ASB13: variants seen among roughly 807,000 people sequenced by gnomAD.
ASB13 encodes the protein ankyrin repeat and SOCS box protein 13.
Under a neutral mutation model 28.8 loss-of-function variants are expected in ASB13, and 33 were observed. The observed-to-expected ratio is 1.15, with a 90% CI of 0.87 to 1.53. The LOEUF (loss-of-function observed/expected upper bound fraction) is 1.53, where lower values mean the gene tolerates loss of function less well. Ranked by LOEUF, ASB13 falls within the 40% of genes most tolerant of loss-of-function variation. ASB13 has a pLI of 0.00. For synonymous variants in ASB13, 182 were observed against 172.9 expected, an observed-to-expected ratio of 1.05 and a Z score of -0.41; for missense variants, 414 against 390.1, an observed-to-expected ratio of 1.06 and a Z score of -0.52.
chr10:5,642,576 A>AC lies in ASB13; in HGVS notation c.518-616_518-615insG. On this transcript the variant is annotated intron_variant, in intron 4 of 5. Coordinates refer to ENST00000357700, the MANE Select transcript of ASB13 (RefSeq NM_024701.4). This position sits in a 1 kb window ranked among gnomAD's most constrained non-coding sequence, Gnocchi z 4.1. Reference sequence around the variant, plus strand: ...AAGCTGATTAAAAGTAAAGGTAAAAAAAAATTTTTTTTTAAAAAAAAGAGC... The same window carrying AC: ...AAGCTGATTAAAAGTAAAGGTAAAAACAAAATTTTTTTTTAAAAAAAAGAGC... 2.4e-6 allele frequency: 3 copies of AC among 1,228,146 alleles called. No homozygotes were observed. The highest frequency in any genetic ancestry group is 2.8e-5 in the South Asian group (2 of 72,222). The allele number at this position is 1,228,146 out of a possible 1,614,324, so 76.1% of individuals were successfully genotyped here. A position where few individuals can be genotyped will look rare whatever the true frequency, so the allele number is the denominator to read the frequency against.
intron 4 of ASB13, among the ~76,000 whole-genome samples, chr10:5,647,741 C>T (rs899038873): frequency 2.6e-5 from 4 of 152,176 alleles, no homozygotes; most frequent in Non-Finnish European, 5.9e-5. Flanking sequence ...TCCAGTGTTA[C>T]AGATATGTAA....
In ASB13 at chr10:5,659,651, T is replaced by A. The variant is rs944689352; in HGVS notation, c.44-6601A>T. Reference sequence around the variant, plus strand: ...GCTCCTTCAGGAAGCCTCCCGAGCATGCAGCCCACCCCCCCACGCCATCTC... The same window carrying A: ...GCTCCTTCAGGAAGCCTCCCGAGCAAGCAGCCCACCCCCCCACGCCATCTC... On this transcript the variant is annotated intron_variant, in intron 1 of 5. Coordinates refer to ENST00000357700, the MANE Select transcript of ASB13 (RefSeq NM_024701.4). This position sits in a 1 kb window ranked among gnomAD's most constrained non-coding sequence, Gnocchi z 5.8. Among the ~76,000 whole-genome samples the A allele has an allele frequency of 6.8e-6, 1 of 146,484 alleles. No homozygotes were observed. The highest frequency in any genetic ancestry group is 1.6e-5 in the Non-Finnish European group (1 of 64,356).
rs1224000656 is a variant in ASB13, at chr10:5,644,439, C to G, written c.518-2478G>C. Among the ~76,000 whole-genome samples, 1 of 152,022 alleles carries G rather than the reference C, an allele frequency of 6.6e-6. No homozygotes were observed. The highest frequency in any genetic ancestry group is 1.5e-5 in the Non-Finnish European group (1 of 67,972). ...TGAGCCCGGGAGGTTGAGGCTGCAG[C>G]AAGCCACGATCGTACCACTGCACTC... On this transcript the variant is annotated intron_variant, in intron 4 of 5. Transcript: ENST00000357700. This position sits in a 1 kb window ranked among gnomAD's most constrained non-coding sequence, Gnocchi z 5.1.
Position 5,648,971 on chromosome 10 carries a change from T to A in ASB13, c.516A>T (p.Ala172=). The A allele has an allele frequency of 6.2e-7, 1 of 1,614,066 alleles. No homozygotes were observed. Among genetic ancestry groups the A allele is most frequent in the Admixed American group, 1.7e-5 (1 of 60,026 alleles). Residue 172 remains alanine (A), a splice_region_variant and synonymous_variant, in exon 4 of 6, where the codon GCA becomes GCT. Transcript: ENST00000357700. ...HLDCVKVLLN[A]GANVNAAKLH... ...CCGCTCGGGCAAACACCCACTCACCTGCATTGAGCAGCACTTTGACACAGT... is the reference window on the plus strand; with the variant it reads ...CCGCTCGGGCAAACACCCACTCACCAGCATTGAGCAGCACTTTGACACAGT...
In ASB13 at chr10:5,647,186, C is replaced by T. The variant is rs143602044; in HGVS notation, c.517+1784G>A. Among the ~76,000 whole-genome samples the T allele has an allele frequency of 3.6e-3, 553 of 152,246 alleles. 1 individual carries two copies. Among genetic ancestry groups the T allele is most frequent in the Non-Finnish European group, 6.4e-3 (434 of 68,022 alleles). On this transcript the variant is annotated intron_variant, in intron 4 of 5. Coordinates refer to ENST00000357700, the MANE Select transcript of ASB13 (RefSeq NM_024701.4). ...TGTTTCCCAGGCTGGCTGAAACTCC[C>T]GGGCTCAAGCAATCCTCCCGCCTCA...
At position 5,652,475 on chromosome 10, in the gene ASB13, C is replaced by CT. The variant is rs1195939934; in HGVS notation, c.231+387dup. ...CAGCAACACAGTTTTGTTTTTGTTC[C>CT]TTTTTTCAGAGAGCTGGCTGGCCAG... On this transcript the variant is annotated intron_variant, in intron 2 of 5. Transcript: ENST00000357700. This position sits in a 1 kb window ranked among gnomAD's most constrained non-coding sequence, Gnocchi z 5.0. 6.6e-6 allele frequency among the ~76,000 whole-genome samples: 1 copy of CT among 152,198 alleles called. No homozygotes were observed. Among genetic ancestry groups the CT allele is most frequent in the African/African-American group, 2.4e-5 (1 of 41,446 alleles).
chr10:5,659,968 C>T lies in ASB13; in HGVS notation c.43+6541G>A, dbSNP rs987371048. Among the ~76,000 whole-genome samples, 4 of 152,190 alleles carry T rather than the reference C, an allele frequency of 2.6e-5. No homozygotes were observed. Among genetic ancestry groups the T allele is most frequent in the Non-Finnish European group, 5.9e-5 (4 of 68,044 alleles). On this transcript the variant is annotated intron_variant, in intron 1 of 5. Coordinates refer to ENST00000357700, the MANE Select transcript of ASB13 (RefSeq NM_024701.4). The surrounding 1 kb of genome is among the most constrained non-coding windows in gnomAD (Gnocchi z 5.8). Reference sequence around the variant, plus strand: ...CTGGCCAAGCGGGGGCTCGTGCATCCATTAAATGAAGAACTTGTGTTGCAA... The same window carrying T: ...CTGGCCAAGCGGGGGCTCGTGCATCTATTAAATGAAGAACTTGTGTTGCAA...
Position 5,664,675 on chromosome 10 carries a change from T to G in ASB13, c.43+1834A>C, listed in dbSNP as rs754640076. 4.5e-4 allele frequency among the ~76,000 whole-genome samples: 69 copies of G among 152,062 alleles called. No homozygotes were observed. The highest frequency in any genetic ancestry group is 1.7e-3 in the Admixed American group (26 of 15,262). ...GGAATGCAGAATTTCTTTATTTCTT[T>G]ATTTATTTATTTTATTTATTTTTGA... On this transcript the variant is annotated intron_variant, in intron 1 of 5. Transcript: ENST00000357700. This position sits in a 1 kb window ranked among gnomAD's most constrained non-coding sequence, Gnocchi z 4.2.
chr10:5,641,807 G>A lies in ASB13; in HGVS notation c.672C>T (p.Ser224=). ...CGAAGCACTTGGCGGGAGCGCTGCT[G>A]CTCCACGTGTAGTCAGACGGCTTCT... The part of the protein sequence containing the change: ...RGKKPSDYTW[S]SSAPAKCFEY... The change falls in exon 5 of 6, where the codon AGC becomes AGT. Residue 224 remains serine, a synonymous_variant. Coordinates refer to ENST00000357700, the MANE Select transcript of ASB13 (RefSeq NM_024701.4). This position sits in a 1 kb window ranked among gnomAD's most constrained non-coding sequence, Gnocchi z 8.4. 6.2e-7 allele frequency: 1 copy of A among 1,610,312 alleles called. No homozygotes were observed. The highest frequency in any genetic ancestry group is 8.5e-7 in the Non-Finnish European group (1 of 1,178,420).
chr10:5,646,125 G>T (rs913721867), intron 4 of ASB13, among the ~76,000 whole-genome samples: 2 of 152,160 alleles, frequency 1.3e-5, no homozygotes, highest in Non-Finnish European at 2.9e-5. Flanking sequence ...TAACTCCCCA[G>T]GGGCATGCAA....
rs1457881410 is a variant in ASB13, at chr10:5,664,742, A to G, written c.43+1767T>C. ...GTCGCCCAGGCTGGAGTGCAATGGC[A>G]TGATCTCAGCTCACTACAACCTCTG... On this transcript the variant is annotated intron_variant, in intron 1 of 5. Coordinates refer to ENST00000357700, the MANE Select transcript of ASB13 (RefSeq NM_024701.4). The surrounding 1 kb of genome is among the most constrained non-coding windows in gnomAD (Gnocchi z 4.2). Among the ~76,000 whole-genome samples, 1 of 151,882 alleles carries G rather than the reference A, an allele frequency of 6.6e-6. No homozygotes were observed. Among genetic ancestry groups the G allele is most frequent in the Non-Finnish European group, 1.5e-5 (1 of 67,956 alleles).
At position 5,666,489 on chromosome 10, in the gene ASB13, T is replaced by TCCGCGGCGCCCGCACGTAC; in HGVS notation, c.43+1_43+19dup. Reference sequence around the variant, plus strand: ...CCGGCGCCGCTGCCTCGCTCTGACCTCCGCGGCGCCCGCACGTACCCACGT... The same window carrying TCCGCGGCGCCCGCACGTAC: ...CCGGCGCCGCTGCCTCGCTCTGACCTCCGCGGCGCCCGCACGTACCCGCGGCGCCCGCACGTACCCACGT... On this transcript the variant is annotated intron_variant, in intron 1 of 5. Coordinates refer to ENST00000357700, the MANE Select transcript of ASB13 (RefSeq NM_024701.4). The TCCGCGGCGCCCGCACGTAC allele has an allele frequency of 7.7e-7, 1 of 1,293,684 alleles. No homozygotes were observed. The highest frequency in any genetic ancestry group is 3.4e-5 in the East Asian group (1 of 29,676). 80.1% of individuals were successfully genotyped at this position (1,293,684 alleles called of 1,614,324 possible). A position where few individuals can be genotyped will look rare whatever the true frequency, so the allele number is the denominator to read the frequency against.
Position 5,651,331 on chromosome 10 carries a change from C to CG in ASB13, c.263dup (p.Leu89AlafsTer50). Reference sequence around the variant, plus strand: ...TGCCCGAGGCGCAGGCATCGCAGAGCGGGGTGCTGCCGTCGATGTTGCGAG... The same window carrying CG: ...TGCCCGAGGCGCAGGCATCGCAGAGCGGGGGTGCTGCCGTCGATGTTGCGAG... On this transcript the variant is annotated frameshift_variant, in exon 3 of 6. Transcript: ENST00000357700. LOFTEE classifies it high-confidence loss of function. The surrounding 1 kb of genome is among the most constrained non-coding windows in gnomAD (Gnocchi z 5.1). 6.2e-7 allele frequency: 1 copy of CG among 1,612,792 alleles called. No individual in the cohort carries two copies. Among genetic ancestry groups the CG allele is most frequent in the Non-Finnish European group, 8.5e-7 (1 of 1,179,444 alleles).
rs1835265082 is a variant in ASB13, at chr10:5,666,568, C to A, written c.-17G>T. On this transcript the variant is annotated 5_prime_UTR_variant, in exon 1 of 6. Coordinates refer to ENST00000357700, the MANE Select transcript of ASB13 (RefSeq NM_024701.4). ...GGGCTCCATGCGGCTCACCGGCGGC[C>A]GCGCGGCGACTCTGGGCGCCGGGAC... The A allele has an allele frequency of 7.0e-6, 8 of 1,150,346 alleles. No homozygotes were observed. The highest frequency in any genetic ancestry group is 8.5e-6 in the Non-Finnish European group (8 of 936,050). The allele number at this position is 1,150,346 out of a possible 1,614,324, so 71.3% of individuals were successfully genotyped here. A position where few individuals can be genotyped will look rare whatever the true frequency, so the allele number is the denominator to read the frequency against.
In ASB13 at chr10:5,655,968, C is replaced by T. The variant is rs1835067000; in HGVS notation, c.44-2918G>A. On this transcript the variant is annotated intron_variant, in intron 1 of 5. Transcript: ENST00000357700. This position sits in a 1 kb window ranked among gnomAD's most constrained non-coding sequence, Gnocchi z 6.2. ...ATGACTAAGATGCAGCAATAGGCAGCTCACAGTCAGGGACCAGGGAATAAA... is the reference window on the plus strand; with the variant it reads ...ATGACTAAGATGCAGCAATAGGCAGTTCACAGTCAGGGACCAGGGAATAAA... 6.6e-6 allele frequency among the ~76,000 whole-genome samples: 1 copy of T among 152,208 alleles called. No individual in the cohort carries two copies. Among genetic ancestry groups the T allele is most frequent in the Non-Finnish European group, 1.5e-5 (1 of 68,040 alleles).
In ASB13 at chr10:5,660,945, G is replaced by A. The variant is rs962088506; in HGVS notation, c.43+5564C>T. ...GCTGGCTGCTGCACAGCCAGGTTCT[G>A]CTGGCCGGAGACCACCAGCAGCTTG... On this transcript the variant is annotated intron_variant, in intron 1 of 5. Transcript: ENST00000357700. The surrounding 1 kb of genome is among the most constrained non-coding windows in gnomAD (Gnocchi z 6.1). Among the ~76,000 whole-genome samples the A allele has an allele frequency of 6.6e-6, 1 of 152,216 alleles. No homozygotes were observed. Among genetic ancestry groups the A allele is most frequent in the African/African-American group, 2.4e-5 (1 of 41,452 alleles).
At chr10:5,666,423 T>TC in intron 1 of ASB13, 86 bp downstream of exon 1, 1 of 1,149,910 alleles carries the variant, frequency 8.7e-7, no homozygotes, top group South Asian at 3.1e-5. Context: ...CGCCACCACC[T>TC]CCCCGGCGCA....
In ASB13 at chr10:5,649,761, G is replaced by A. The variant is rs549280276; in HGVS notation, c.383-657C>T. ...GGCTGGTCTCAAACTCCTGACCTCA[G>A]GTGATCCGCCCACCTCAGCCTCCCA... On this transcript the variant is annotated intron_variant, in intron 3 of 5. Transcript: ENST00000357700. The surrounding 1 kb of genome is among the most constrained non-coding windows in gnomAD (Gnocchi z 6.4). 7.4e-3 allele frequency among the ~76,000 whole-genome samples: 1,117 copies of A among 151,954 alleles called. 8 individuals are homozygous for A. The highest frequency in any genetic ancestry group is 0.017 in the Middle Eastern group (5 of 294).
Position 5,652,714 on chromosome 10 carries a change from C to T in ASB13, c.231+149G>A, listed in dbSNP as rs1835006213. On this transcript the variant is annotated intron_variant, in intron 2 of 5. Coordinates refer to ENST00000357700, the MANE Select transcript of ASB13 (RefSeq NM_024701.4). This position sits in a 1 kb window ranked among gnomAD's most constrained non-coding sequence, Gnocchi z 5.0. ...ACCTCCTAACAGCCAGGTCCACGAG[C>T]ACTTCTCAGCCATGGGCTTCCTGGT... 2 of 782,484 alleles carry T rather than the reference C, an allele frequency of 2.6e-6. No individual in the cohort carries two copies. Among genetic ancestry groups the T allele is most frequent in the African/African-American group, 1.8e-5 (1 of 57,018 alleles). 48.5% of individuals were successfully genotyped at this position (782,484 alleles called of 1,614,324 possible).
Sources: allele counts gnomAD v4.1 joint callset (sites outside exome capture counted in the v4.1 genomes callset), GRCh38; gene constraint gnomAD v4.1.1; non-coding constraint Gnocchi (gnomAD v3.1); transcripts MANE v1.5; gene names NCBI Gene and HGNC (gene_info 2026-07-23, HGNC 2026-07-21).